GATB: variants seen among roughly 807,000 people sequenced by gnomAD.
The protein encoded by GATB is glutamyl-tRNA amidotransferase subunit B.
GATB carries 39 observed loss-of-function variants against 62.3 expected under a neutral mutation model. The observed-to-expected ratio is 0.63, with a 90% confidence interval of 0.48 to 0.82. The LOEUF (loss-of-function observed/expected upper bound fraction) is 0.82, where lower values mean the gene tolerates loss of function less well. GATB is among the 40% of genes least tolerant of loss of function. The pLI is 0.00. For missense variants in GATB, 670 were observed against 684.0 expected (o/e 0.98, Z 0.23); for synonymous variants, 276 against 258.9 (o/e 1.07, Z -0.63).
At chr4:151,743,532 T>C (rs961603636) in intron 2 of GATB, among the ~76,000 whole-genome samples, 1 of 152,196 alleles carries the variant, frequency 6.6e-6, no homozygotes, top group African/African-American at 2.4e-5. Context: ...TACATATCTG[T>C]AAAATAATAG....
At chr4:151,707,790 G>A (rs1167361511) in intron 6 of GATB, among the ~76,000 whole-genome samples, 198 bp downstream of exon 6, 1 of 152,196 alleles carries the variant, frequency 6.6e-6, no homozygotes, top group Non-Finnish European at 1.5e-5. Context: ...GTATGAGAGC[G>A]ACTACCATGG....
intron 2 of GATB, chr4:151,721,859 C>G: frequency 3.5e-6 from 1 of 284,510 alleles, no homozygotes; most frequent in South Asian, 7.2e-5. Context: ...CCATCACAGA[C>G]TCTCACTGTG....
chr4:151,735,931 G>A (rs746815609), intron 2 of GATB, among the ~76,000 whole-genome samples: 1 of 151,400 alleles, frequency 6.6e-6, no homozygotes, highest in African/African-American at 2.4e-5. Context: ...TATACTGCTC[G>A]GGTGATGGGT....
intron 2 of GATB, among the ~76,000 whole-genome samples, chr4:151,756,148 G>A (rs1479919183): frequency 1.3e-5 from 2 of 152,222 alleles, no homozygotes; most frequent in Non-Finnish European, 2.9e-5. Flanking sequence ...AGCAATATAA[G>A]CCCTGCGCAG....
intron 5 of GATB, among the ~76,000 whole-genome samples, chr4:151,714,554 A>G (rs1036210189): frequency 7.9e-5 from 12 of 152,252 alleles, no homozygotes; most frequent in African/African-American, 2.9e-4. Flanking sequence ...GTGAGATTTA[A>G]TGAACACTCT....
intron 10 of GATB, among the ~76,000 whole-genome samples, chr4:151,682,642 C>G (rs1738165453): frequency 6.6e-6 from 1 of 152,002 alleles, no homozygotes; most frequent in Non-Finnish European, 1.5e-5. Context: ...ACAGCTCCAT[C>G]TCCTGCTTGG....
chr4:151,734,824 A>T (rs886081122), intron 2 of GATB, among the ~76,000 whole-genome samples: 1 of 151,974 alleles, frequency 6.6e-6, no homozygotes, highest in Non-Finnish European at 1.5e-5. Flanking sequence ...AAAAACATAA[A>T]GCGGGGAAAG....
chr4:151,734,863 A>G (rs75993348), intron 2 of GATB, among the ~76,000 whole-genome samples: 1 of 152,224 alleles, frequency 6.6e-6, no homozygotes, highest in African/African-American at 2.4e-5. Flanking sequence ...TGGTGCTGTG[A>G]TAATTGGTTA....
At chr4:151,754,855 G>A (rs1450860147) in intron 2 of GATB, among the ~76,000 whole-genome samples, 1 of 152,142 alleles carries the variant, frequency 6.6e-6, no homozygotes, top group East Asian at 1.9e-4. Context: ...GAGGTGATGA[G>A]ATACCCAGGT....
intron 9 of GATB, among the ~76,000 whole-genome samples, chr4:151,692,434 T>A (rs76206997): frequency 0.015 from 2,238 of 152,360 alleles, 57 homozygotes; most frequent in African/African-American, 0.051. Flanking sequence ...TGCCAGCTGT[T>A]CAAAGGTTCT....
At chr4:151,679,970 C>A in intron 10 of GATB, 79 bp from the exon 11 acceptor site, 1 of 1,295,284 alleles carries the variant, frequency 7.7e-7, no homozygotes, top group Non-Finnish European at 1.1e-6. Flanking sequence ...GGAATCAGAA[C>A]ACTTGCTCTA....
chr4:151,759,888 T>C (rs1197904298), intron 1 of GATB, among the ~76,000 whole-genome samples: 4 of 152,182 alleles, frequency 2.6e-5, no homozygotes, highest in Admixed American at 2.6e-4. Context: ...AATAAGTCCT[T>C]CTTTTTAAAG....
intron 6 of GATB, among the ~76,000 whole-genome samples, chr4:151,705,623 G>T (rs1244046337): frequency 6.6e-6 from 1 of 152,116 alleles, no homozygotes; most frequent in African/African-American, 2.4e-5. Context: ...GTCTGGGATG[G>T]GCTTCAAAGG....
Position 151,670,974 on chromosome 4 carries a change from G to T in GATB, c.*200C>A. ...TGTGGATGAAGCAGGCGGGGTGGCT[G>T]CTGGTCGGCTGTGGAGGCACCTCCA... On this transcript the variant is annotated 3_prime_UTR_variant, in exon 13 of 13. Transcript: ENST00000263985. The T allele has an allele frequency of 1.7e-6, 1 of 586,306 alleles. No individual in the cohort carries two copies. The highest frequency in any genetic ancestry group is 3.0e-6 in the Non-Finnish European group (1 of 336,054). 36.3% of individuals were successfully genotyped at this position (586,306 alleles called of 1,614,324 possible). A position where few individuals can be genotyped will look rare whatever the true frequency, so the allele number is the denominator to read the frequency against.
At chr4:151,735,441 G>C (rs1379407357) in intron 2 of GATB, among the ~76,000 whole-genome samples, 2 of 151,888 alleles carry the variant, frequency 1.3e-5, no homozygotes, top group East Asian at 3.9e-4. Flanking sequence ...TCAAAAAACA[G>C]TAGATGTTGG....
At chr4:151,686,334 A>T (rs987101233) in intron 10 of GATB, among the ~76,000 whole-genome samples, 2 of 152,146 alleles carry the variant, frequency 1.3e-5, no homozygotes, top group Non-Finnish European at 2.9e-5. Context: ...GGCCACACTA[A>T]CACATGGATG....
At chr4:151,671,646 G>T (rs1308747398) in intron 12 of GATB, among the ~76,000 whole-genome samples, 3 of 152,178 alleles carry the variant, frequency 2.0e-5, no homozygotes, top group African/African-American at 7.2e-5. Context: ...CTGAGATGAT[G>T]AATCACTGCG....
rs147478929 is a variant in GATB, at chr4:151,716,971, G to A, written c.545C>T (p.Thr182Met). 66 of 1,613,878 alleles carry A rather than the reference G, an allele frequency of 4.1e-5. No homozygotes were observed. Among genetic ancestry groups the A allele is most frequent in the South Asian group, 3.3e-4 (30 of 91,094 alleles). ...CAACTGGATCTGCTTGATCCTCACCGTCTTGGGGATCACCTGACTCTGCTT... is the reference window on the plus strand; with the variant it reads ...CAACTGGATCTGCTTGATCCTCACCATCTTGGGGATCACCTGACTCTGCTT... Reference protein sequence around the residue: ...GKKQSQVIPKTVRIKQIQLEQ... With the variant: ...GKKQSQVIPKMVRIKQIQLEQ... Residue 182 changes from threonine (T) to methionine (M), a missense_variant, in exon 4 of 13, where the codon ACG becomes ATG. Physicochemically the swap from Thr to Met is moderately conservative, Grantham distance 81. Transcript: ENST00000263985.
intron 2 of GATB, among the ~76,000 whole-genome samples, chr4:151,750,799 T>C (rs1739707064): frequency 6.6e-6 from 1 of 151,122 alleles, no homozygotes; most frequent in African/African-American, 2.4e-5. Context: ...GACTTATTTT[T>C]GTATTTTTTT....
Sources: allele counts gnomAD v4.1 joint callset (sites outside exome capture counted in the v4.1 genomes callset), GRCh38; gene constraint gnomAD v4.1.1; transcripts MANE v1.5; gene names NCBI Gene and HGNC (gene_info 2026-07-23, HGNC 2026-07-21).